CRIM1: variants seen among roughly 807,000 people sequenced by gnomAD.
CRIM1 encodes cysteine rich transmembrane BMP regulator 1, also known as cysteine-rich motor neuron 1 protein.
In CRIM1, 32 loss-of-function variants were observed where a neutral mutation model predicts 116.4. That is an observed-to-expected ratio of 0.27 (90% CI 0.21 to 0.37). The LOEUF is 0.37. CRIM1 is among the 10% of genes least tolerant of loss of function. The pLI is 1.00. For synonymous variants in CRIM1, 590 were observed against 509.2 expected (o/e 1.16, Z -2.13); for missense variants, 1,331 against 1,354.8 (o/e 0.98, Z 0.28).
intron 1 of CRIM1, among the ~76,000 whole-genome samples, chr2:36,374,121 A>G (rs1483198299): frequency 6.6e-6 from 1 of 152,196 alleles, no homozygotes; most frequent in Non-Finnish European, 1.5e-5. Flanking sequence ...CTCAAAAAGG[A>G]TTGATGCAGA....
At chr2:36,387,803 ATGTCT>A (rs1273455715) in intron 1 of CRIM1, among the ~76,000 whole-genome samples, 1 of 152,206 alleles carries the variant, frequency 6.6e-6, no homozygotes, top group Non-Finnish European at 1.5e-5. Flanking sequence ...CATTTATAAG[ATGTCT>A]TAATAATCTT....
chr2:36,431,231 CTG>C (rs1674865293), intron 2 of CRIM1, among the ~76,000 whole-genome samples: 1 of 151,978 alleles, frequency 6.6e-6, no homozygotes, highest in African/African-American at 2.4e-5. Context: ...TGTGAGTACT[CTG>C]TGTGTGTGTA....
intron 2 of CRIM1, among the ~76,000 whole-genome samples, chr2:36,439,023 C>G (rs933091160): frequency 2.5e-4 from 38 of 152,140 alleles, no homozygotes; most frequent in Non-Finnish European, 1.2e-4. Context: ...ATTTTCCATT[C>G]TGCTTTAAGC....
chr2:36,376,537 A>G (rs1055243124), intron 1 of CRIM1, among the ~76,000 whole-genome samples: 2 of 152,182 alleles, frequency 1.3e-5, no homozygotes, highest in African/African-American at 4.8e-5. Context: ...GGATACGAGA[A>G]TGTGGGAGAA....
At chr2:36,412,012 T>G (rs1673250302) in intron 2 of CRIM1, among the ~76,000 whole-genome samples, 3 of 152,176 alleles carry the variant, frequency 2.0e-5, no homozygotes, top group South Asian at 4.1e-4. Context: ...CTAGTGAAGC[T>G]GACCCTATTG....
chr2:36,523,966 C>T (rs1375500212), intron 13 of CRIM1, among the ~76,000 whole-genome samples: 1 of 152,106 alleles, frequency 6.6e-6, no homozygotes, highest in Non-Finnish European at 1.5e-5. Flanking sequence ...CTGTAATGGT[C>T]AAAGAGTAAT....
At chr2:36,476,188 C>G (rs891906694) in intron 5 of CRIM1, among the ~76,000 whole-genome samples, 29 of 151,716 alleles carry the variant, frequency 1.9e-4, no homozygotes, top group African/African-American at 6.5e-4. Context: ...AGAACATAAC[C>G]CTGAAGCACA....
chr2:36,417,153 TGTCCAGACCA>T (rs1673682095), intron 2 of CRIM1, among the ~76,000 whole-genome samples: 1 of 152,222 alleles, frequency 6.6e-6, no homozygotes, highest in Non-Finnish European at 1.5e-5. Flanking sequence ...TTTGTCTTTT[TGTCCAGACCA>T]CTTAGCTCCT....
chr2:36,418,255 G>A (rs1010903740), intron 2 of CRIM1, among the ~76,000 whole-genome samples: 2 of 152,166 alleles, frequency 1.3e-5, no homozygotes, highest in South Asian at 2.1e-4. Context: ...CAGGTAACAC[G>A]ACAGACTCTT....
intron 7 of CRIM1, among the ~76,000 whole-genome samples, chr2:36,483,493 C>A (rs1335486940): frequency 6.6e-6 from 1 of 152,164 alleles, no homozygotes; most frequent in Admixed American, 6.5e-5. Flanking sequence ...AGTTTACCAT[C>A]AGAGAACACA....
chr2:36,380,977 T>C (rs933981950), intron 1 of CRIM1, among the ~76,000 whole-genome samples: 1 of 152,238 alleles, frequency 6.6e-6, no homozygotes, highest in Non-Finnish European at 1.5e-5. Context: ...TTGCCCACTC[T>C]GGAGAGAACT....
At chr2:36,386,074 T>G (rs1264533501) in intron 1 of CRIM1, among the ~76,000 whole-genome samples, 1 of 152,248 alleles carries the variant, frequency 6.6e-6, no homozygotes, top group East Asian at 1.9e-4. Context: ...TGGTTCACAC[T>G]TTTGGATGTG....
intron 1 of CRIM1, among the ~76,000 whole-genome samples, chr2:36,390,558 CATT>C (rs1265376225): frequency 3.9e-5 from 6 of 152,030 alleles, no homozygotes; most frequent in Non-Finnish European, 7.4e-5. Context: ...GTTTCTTCAT[CATT>C]GTTTTTATGG....
At chr2:36,365,202 T>G (rs895760880) in intron 1 of CRIM1, among the ~76,000 whole-genome samples, 1 of 152,230 alleles carries the variant, frequency 6.6e-6, no homozygotes, top group Non-Finnish European at 1.5e-5. Context: ...TTCAGCAGAA[T>G]GTGAACACTT....
At chr2:36,404,368 G>A (rs1186067793) in intron 2 of CRIM1, among the ~76,000 whole-genome samples, 1 of 152,210 alleles carries the variant, frequency 6.6e-6, no homozygotes, top group African/African-American at 2.4e-5. Flanking sequence ...GGCTAGTTCA[G>A]AGTAGAAGCA....
intron 1 of CRIM1, among the ~76,000 whole-genome samples, chr2:36,363,071 G>T (rs918729833): frequency 6.6e-6 from 1 of 151,778 alleles, no homozygotes; most frequent in Non-Finnish European, 1.5e-5. Context: ...TTGGTGGCAG[G>T]CCCCTGTAAT....
rs1668864175 is a variant in CRIM1, at chr2:36,356,967, A to C, written c.331+344A>C. ...GGTGGGGGCGCCGCGGGCGGGGGGC[A>C]CTGCAGATTCTGCCGCGCGCGAGCC... On this transcript the variant is annotated intron_variant, in intron 1 of 16. Coordinates refer to ENST00000280527, the MANE Select transcript of CRIM1 (RefSeq NM_016441.3). The surrounding 1 kb of genome is among the most constrained non-coding windows in gnomAD (Gnocchi z 4.3). 6.6e-6 allele frequency among the ~76,000 whole-genome samples: 1 copy of C among 151,712 alleles called. No individual in the cohort carries two copies. Among genetic ancestry groups the C allele is most frequent in the African/African-American group, 2.4e-5 (1 of 41,496 alleles).
intron 1 of CRIM1, among the ~76,000 whole-genome samples, chr2:36,358,311 C>G (rs1380616986): frequency 6.6e-6 from 1 of 152,210 alleles, no homozygotes; most frequent in South Asian, 2.1e-4. Flanking sequence ...CATCTTTGAA[C>G]CCTGCCGCTT....
At chr2:36,488,629 A>G (rs1201979497) in intron 7 of CRIM1, among the ~76,000 whole-genome samples, 1 of 152,208 alleles carries the variant, frequency 6.6e-6, no homozygotes, top group Non-Finnish European at 1.5e-5. Flanking sequence ...ATTTTTATTT[A>G]CCATTTATAT....
Sources: gnomAD v4.1 joint callset for allele counts (sites outside exome capture counted in the v4.1 genomes callset) on GRCh38, gnomAD v4.1.1 for gene constraint, Gnocchi (gnomAD v3.1) non-coding constraint, MANE v1.5 for transcripts, NCBI Gene and HGNC (gene_info 2026-07-23, HGNC 2026-07-21) for gene names.